Variants in NKAIN3 observed in about 807,000 individuals in gnomAD.
NKAIN3 encodes the protein sodium/potassium-transporting ATPase subunit beta-1-interacting protein 3.
NKAIN3 carries 25 observed loss-of-function variants against 30.2 expected under a neutral mutation model. The ratio of observed to expected loss-of-function variants is 0.83; its 90% CI spans 0.60 to 1.16. NKAIN3 has a LOEUF of 1.16. Among genes scored for constraint, NKAIN3 ranks in the 50% most tolerant of loss-of-function variants. NKAIN3 has a pLI of 0.00. For missense variants in NKAIN3, 225 were observed against 254.1 expected, an observed-to-expected ratio of 0.89 and a Z score of 0.78; for synonymous variants, 91 against 89.6, an observed-to-expected ratio of 1.02 and a Z score of -0.09.
chr8:62,293,019 A>T (rs760990158), intron 1 of NKAIN3, among the ~76,000 whole-genome samples: 1 of 152,048 alleles, frequency 6.6e-6, no homozygotes, highest in Non-Finnish European at 1.5e-5. Context: ...CACTTGATCA[A>T]ATTGGCTACT....
intron 4 of NKAIN3, among the ~76,000 whole-genome samples, chr8:62,889,588 T>G (rs942332514): frequency 3.9e-5 from 6 of 152,180 alleles, no homozygotes; most frequent in African/African-American, 1.4e-4. Flanking sequence ...TTTGGATAAG[T>G]ATGTTTTTAG....
intron 3 of NKAIN3, among the ~76,000 whole-genome samples, chr8:62,716,174 A>G (rs968014174): frequency 5.3e-5 from 8 of 152,120 alleles, no homozygotes; most frequent in African/African-American, 1.9e-4. Flanking sequence ...GAACCTCCCA[A>G]TAAGAAGACA....
At position 62,294,193 on chromosome 8, in the gene NKAIN3, G is replaced by A. The variant is rs114059652; in HGVS notation, c.54+45066G>A. Among the ~76,000 whole-genome samples, 845 of 152,228 alleles carry A rather than the reference G, an allele frequency of 5.6e-3. 9 individuals are homozygous for A. Among genetic ancestry groups the A allele is most frequent in the African/African-American group, 0.019 (784 of 41,558 alleles). ...ACCCCTTGTGCTTCCTGGGTGAAGC[G>A]TTGCTCTGCCCTTCTCCATGGGCTG... On this transcript the variant is annotated intron_variant, in intron 1 of 6. Coordinates refer to ENST00000623646, the MANE Select transcript of NKAIN3 (RefSeq NM_001304533.3).
At chr8:62,807,951 A>G (rs555873932) in intron 4 of NKAIN3, among the ~76,000 whole-genome samples, 1 of 152,098 alleles carries the variant, frequency 6.6e-6, no homozygotes, top group South Asian at 2.1e-4. Context: ...ATAGTTATTA[A>G]TAAAAAAAGA....
At chr8:62,529,104 C>A (rs1202552733) in intron 1 of NKAIN3, among the ~76,000 whole-genome samples, 1 of 152,114 alleles carries the variant, frequency 6.6e-6, no homozygotes, top group Non-Finnish European at 1.5e-5. Context: ...AGGTACAGAA[C>A]ACACTCGCAT....
chr8:62,625,982 G>A (rs868351567), intron 3 of NKAIN3, among the ~76,000 whole-genome samples: 9 of 151,986 alleles, frequency 5.9e-5, no homozygotes, highest in South Asian at 2.1e-4. Context: ...AAACTGAGGC[G>A]TCGAGGAAAC....
At position 62,574,484 on chromosome 8, in the gene NKAIN3, A is replaced by G. The variant is rs138569854; in HGVS notation, c.55-5055A>G. On this transcript the variant is annotated intron_variant, in intron 1 of 6. Coordinates refer to ENST00000623646, the MANE Select transcript of NKAIN3 (RefSeq NM_001304533.3). ...TTTTATTTAGTTTATTTTAACAAAAATAACAAAATTGGAGGAATCACATTA... is the reference window on the plus strand; with the variant it reads ...TTTTATTTAGTTTATTTTAACAAAAGTAACAAAATTGGAGGAATCACATTA... 3.9e-3 allele frequency among the ~76,000 whole-genome samples: 599 copies of G among 152,280 alleles called. 2 individuals are homozygous for G. Among genetic ancestry groups the G allele is most frequent in the African/African-American group, 0.013 (561 of 41,578 alleles).
intron 1 of NKAIN3, among the ~76,000 whole-genome samples, chr8:62,319,841 A>G (rs1814808479): frequency 1.3e-5 from 2 of 152,132 alleles, no homozygotes; most frequent in South Asian, 2.1e-4. Flanking sequence ...GTAGATGTCT[A>G]TTAGGTCTGC....
intron 1 of NKAIN3, among the ~76,000 whole-genome samples, chr8:62,339,661 G>A (rs140569293): frequency 2.6e-4 from 39 of 151,972 alleles, no homozygotes; most frequent in Non-Finnish European, 5.6e-4. Context: ...TTAAAAACTT[G>A]TAGATTCCTT....
At chr8:62,621,352 A>G (rs1037248972) in intron 3 of NKAIN3, among the ~76,000 whole-genome samples, 5 of 152,124 alleles carry the variant, frequency 3.3e-5, no homozygotes, top group African/African-American at 1.2e-4. Context: ...TTTTATTAAT[A>G]AATGTAATAT....
intron 3 of NKAIN3, among the ~76,000 whole-genome samples, chr8:62,651,516 C>A (rs1347409817): frequency 6.6e-6 from 1 of 152,166 alleles, no homozygotes; most frequent in African/African-American, 2.4e-5. Context: ...ATATAAACAG[C>A]AGAAATTTAT....
chr8:62,423,342 G>A (rs1042266281), intron 1 of NKAIN3, among the ~76,000 whole-genome samples: 13 of 151,404 alleles, frequency 8.6e-5, no homozygotes, highest in South Asian at 4.2e-4. Context: ...TTTCCAAACC[G>A]TGCTGTTTCT....
intron 5 of NKAIN3, among the ~76,000 whole-genome samples, chr8:62,953,020 T>C (rs1823328252): frequency 6.6e-6 from 1 of 152,080 alleles, no homozygotes; most frequent in Admixed American, 6.6e-5. Context: ...TTATGAATTT[T>C]TTGCCAAAAA....
intron 5 of NKAIN3, among the ~76,000 whole-genome samples, chr8:62,921,444 T>C (rs1822273080): frequency 6.6e-6 from 1 of 152,164 alleles, no homozygotes; most frequent in South Asian, 2.1e-4. Context: ...AGTGGATATA[T>C]GGGACTAACA....
chr8:62,803,470 C>T (rs1818149470), intron 4 of NKAIN3, among the ~76,000 whole-genome samples: 1 of 152,144 alleles, frequency 6.6e-6, no homozygotes, highest in Non-Finnish European at 1.5e-5. Flanking sequence ...TCACTCAAAA[C>T]CGCTCAACTA....
At chr8:62,894,392 G>A (rs992578338) in intron 4 of NKAIN3, among the ~76,000 whole-genome samples, 3 of 152,080 alleles carry the variant, frequency 2.0e-5, no homozygotes, top group Non-Finnish European at 2.9e-5. Context: ...AACACTCGAG[G>A]AACTCAAGAT....
chr8:62,572,580 G>C (rs1371512850), intron 1 of NKAIN3, among the ~76,000 whole-genome samples: 1 of 152,146 alleles, frequency 6.6e-6, no homozygotes, highest in African/African-American at 2.4e-5. Flanking sequence ...ATGTGAGACT[G>C]GGCAATTTAA....
In NKAIN3 at chr8:62,521,879, C is replaced by T. The variant is rs544533800; in HGVS notation, c.55-57660C>T. ...CCCCTAAATTGTTTTATTTCTTAGT[C>T]AAGGGAAGTCTGAATTCTTAAACGC... On this transcript the variant is annotated intron_variant, in intron 1 of 6. Coordinates refer to ENST00000623646, the MANE Select transcript of NKAIN3 (RefSeq NM_001304533.3). Among the ~76,000 whole-genome samples the T allele has an allele frequency of 1.1e-4, 16 of 152,178 alleles. No homozygotes were observed. The South Asian group carries it at 3.3e-3, about 32-fold the overall frequency.
intron 4 of NKAIN3, chr8:62,855,182 G>A (rs10102831): frequency 0.1 from 28,003 of 272,626 alleles, 1,656 homozygotes; most frequent in African/African-American, 0.15. Flanking sequence ...AAAATGTAAA[G>A]TCCCTCAACT....
Sources: allele counts gnomAD v4.1 joint callset (sites outside exome capture counted in the v4.1 genomes callset), GRCh38; gene constraint gnomAD v4.1.1; transcripts MANE v1.5; gene names NCBI Gene and HGNC (gene_info 2026-07-23, HGNC 2026-07-21).